The following SNX22 variants were observed in gnomAD, a reference collection of about 807,000 sequenced individuals.
SNX22 encodes sorting nexin-22.
Under a neutral mutation model 24.7 loss-of-function variants are expected in SNX22, and 23 were observed. The ratio of observed to expected loss-of-function variants is 0.93; its 90% CI spans 0.67 to 1.32. The LOEUF (loss-of-function observed/expected upper bound fraction) is 1.32. SNX22 is among the 40% of genes most tolerant of loss of function. The pLI is 0.00. For missense variants in SNX22, 261 were observed against 249.9 expected, an observed-to-expected ratio of 1.04 and a Z score of -0.30; for synonymous variants, 99 against 104.0, an observed-to-expected ratio of 0.95 and a Z score of 0.29.
intron 5 of SNX22, 67 bp downstream of exon 5, chr15:64,153,751 G>T: frequency 6.2e-7 from 1 of 1,608,474 alleles, no homozygotes; most frequent in Non-Finnish European, 8.5e-7. Flanking sequence ...TAGGAGGCAG[G>T]CCTGCTGCCT....
At position 64,152,333 on chromosome 15, in the gene SNX22, C is replaced by G; in HGVS notation, c.159+7C>G. On this transcript the variant is annotated splice_region_variant and intron_variant, in intron 2 of 6. Coordinates refer to ENST00000325881, the MANE Select transcript of SNX22 (RefSeq NM_024798.3). ...CCACGCGCTGCACAAGCGGGTGAGGCGGCGCCGACCTCCCACCGGCCCCGG... is the reference window on the plus strand; with the variant it reads ...CCACGCGCTGCACAAGCGGGTGAGGGGGCGCCGACCTCCCACCGGCCCCGG... 7 of 1,509,836 alleles carry G rather than the reference C, an allele frequency of 4.6e-6. No homozygotes were observed. The South Asian group carries it at 6.2e-5, about 13-fold the overall frequency. 93.5% of individuals were successfully genotyped at this position (1,509,836 alleles called of 1,614,324 possible).
Position 64,156,826 on chromosome 15 carries a change from C to T in SNX22, c.*2318C>T, listed in dbSNP as rs762799337. On this transcript the variant is annotated 3_prime_UTR_variant, in exon 7 of 7. Transcript: ENST00000325881. This position sits in a 1 kb window ranked among gnomAD's most constrained non-coding sequence, Gnocchi z 6.4. ...TGGGAGCCGTTGGTGTCTTTGCCTG[C>T]GTTGGCCATGCTCACCCAGCCAGGC... 1.9e-6 allele frequency: 3 copies of T among 1,614,076 alleles called. No individual in the cohort carries two copies. The highest frequency in any genetic ancestry group is 1.1e-5 in the South Asian group (1 of 91,088).
rs771187244 is a variant in SNX22 at position 64,153,976 on chromosome 15, A to G, written c.434A>G (p.Asp145Gly). 1 of 1,613,720 alleles carries G rather than the reference A, an allele frequency of 6.2e-7. No homozygotes were observed. The highest frequency in any genetic ancestry group is 8.5e-7 in the Non-Finnish European group (1 of 1,179,976). ...HQRPVLSFHV[D>G]PYVCNPSPES... is the part of the protein sequence containing the mutation. ...CGGCCTGTCCTGAGCTTCCATGTGG[A>G]TCCCTATGTTTGCAACCCCTCCCCA... The change falls in exon 6 of 7, where the codon GAT becomes GGT. Residue 145 changes from aspartate to glycine, a missense_variant. Asp to Gly is a moderately conservative substitution (Grantham distance 94). Transcript: ENST00000325881.
At chr15:64,153,377 C>A (rs1384312488) in intron 4 of SNX22, 38 bp downstream of exon 4, 3 of 1,612,092 alleles carry the variant, frequency 1.9e-6, no homozygotes, top group Non-Finnish European at 1.7e-6. Context: ...GGGCTGTCAG[C>A]AGTGAGCAGG....
At chr15:64,154,357 A>G (rs780390364) in intron 6 of SNX22, 30 bp from the exon 7 acceptor site, 3 of 1,613,034 alleles carry the variant, frequency 1.9e-6, no homozygotes, top group South Asian at 1.1e-5. Context: ...TGCAGGTCTG[A>G]GGCCAGACCT....
At chr15:64,154,327 TGA>T (rs373186020) in intron 6 of SNX22, 58 bp from the exon 7 acceptor site, 2 of 1,605,844 alleles carry the variant, frequency 1.2e-6, no homozygotes. Flanking sequence ...GCTGAGCCCA[TGA>T]GCAGGAGCTC....
intron 6 of SNX22, 54 bp from the exon 7 acceptor site, chr15:64,154,333 G>A: frequency 6.2e-7 from 1 of 1,606,924 alleles, no homozygotes. Flanking sequence ...CCCATGAGCA[G>A]GAGCTCAAGG....
rs532903614 is a variant in SNX22, at chr15:64,155,994, G to A, written c.*1486G>A. The A allele has an allele frequency of 3.7e-5, 59 of 1,613,978 alleles. No homozygotes were observed. In the Middle Eastern group the frequency reaches 1.3e-3, roughly 36 times the overall value. On this transcript the variant is annotated 3_prime_UTR_variant, in exon 7 of 7. Transcript: ENST00000325881. ...GGCGGACTACAGGGCCTGCACAGAC[G>A]GTCACTCAAAGAAAGATGTCCCTGT...
At chr15:64,152,528 T>C in intron 2 of SNX22, 110 bp from the exon 3 acceptor site, 2 of 1,270,230 alleles carry the variant, frequency 1.6e-6, no homozygotes, top group Non-Finnish European at 2.2e-6. Context: ...CACCAGGGTC[T>C]GTCCCAGTAG....
Position 64,151,870 on chromosome 15 carries a change from G to A in SNX22, c.75+20G>A. 6.6e-7 allele frequency: 1 copy of A among 1,524,440 alleles called. No homozygotes were observed. Among genetic ancestry groups the A allele is most frequent in the East Asian group, 2.6e-5 (1 of 38,750 alleles). 94.4% of individuals were successfully genotyped at this position (1,524,440 alleles called of 1,614,324 possible). A position where few individuals can be genotyped will look rare whatever the true frequency, so the allele number is the denominator to read the frequency against. On this transcript the variant is annotated intron_variant, in intron 1 of 6. Transcript: ENST00000325881. ...CACATGGTGAGCGCGGCCCCTGGAT[G>A]GGGAGGGGCGCCGGGACCCGCAGGA...
At chr15:64,152,456 G>A in intron 2 of SNX22, 130 bp downstream of exon 2, 1 of 1,256,188 alleles carries the variant, frequency 8.0e-7, no homozygotes, top group Non-Finnish European at 1.1e-6. Context: ...TGCGCAGCCG[G>A]TCAGCCCCCG....
At chr15:64,152,163 G>T in intron 1 of SNX22, 80 bp from the exon 2 acceptor site, 1 of 1,261,310 alleles carries the variant, frequency 7.9e-7, no homozygotes, top group Non-Finnish European at 1.0e-6. Flanking sequence ...CGGGAGGGTG[G>T]GCACGTCGCC....
intron 1 of SNX22, 66 bp from the exon 2 acceptor site, chr15:64,152,177 C>A: frequency 1.5e-6 from 2 of 1,317,970 alleles, no homozygotes; most frequent in Non-Finnish European, 2.0e-6. Flanking sequence ...CGTCGCCAGG[C>A]GCAGGTGCTG....
intron 4 of SNX22, 41 bp from the exon 5 acceptor site, chr15:64,153,611 C>G (rs373651972): frequency 1.7e-5 from 28 of 1,613,636 alleles, no homozygotes; most frequent in Non-Finnish European, 2.4e-5. Flanking sequence ...CACGCTCCCC[C>G]GGCATCCCCA....
Position 64,156,261 on chromosome 15 carries a change from A to C in SNX22, c.*1753A>C. The C allele has an allele frequency of 1.5e-6, 2 of 1,374,398 alleles. No individual in the cohort carries two copies. The highest frequency in any genetic ancestry group is 2.0e-6 in the Non-Finnish European group (2 of 986,618). The allele number at this position is 1,374,398 out of a possible 1,614,324, so 85.1% of individuals were successfully genotyped here. A position where few individuals can be genotyped will look rare whatever the true frequency, so the allele number is the denominator to read the frequency against. On this transcript the variant is annotated 3_prime_UTR_variant, in exon 7 of 7. Transcript: ENST00000325881. This position sits in a 1 kb window ranked among gnomAD's most constrained non-coding sequence, Gnocchi z 6.4. ...AAGACCCACAAGTGATCAACAGCAC[A>C]CAAAACTGGAGGCACCAAAATTCTA...
intron 3 of SNX22, 40 bp from the exon 4 acceptor site, chr15:64,153,202 TTAG>T (rs1453356722): frequency 5.0e-6 from 8 of 1,611,562 alleles, no homozygotes; most frequent in Non-Finnish European, 6.8e-6. Context: ...GCTATGCAAA[TTAG>T]TAGCTGGGTC....
Position 64,155,871 on chromosome 15 carries a change from T to C in SNX22, c.*1363T>C. The stretch of plus-strand genomic sequence containing the variant: ...TTTATTGGTCAGTGTTGGTAGGAGT[T>C]TGTTACAAAAGTGAGTCCATGGGCC... On this transcript the variant is annotated 3_prime_UTR_variant, in exon 7 of 7. Transcript: ENST00000325881. The C allele has an allele frequency of 8.5e-7, 1 of 1,172,156 alleles. No individual in the cohort carries two copies. Among genetic ancestry groups the C allele is most frequent in the Non-Finnish European group, 1.3e-6 (1 of 798,050 alleles). 72.6% of individuals were successfully genotyped at this position (1,172,156 alleles called of 1,614,324 possible).
At position 64,155,877 on chromosome 15, in the gene SNX22, C is replaced by A; in HGVS notation, c.*1369C>A. ...GGTCAGTGTTGGTAGGAGTTTGTTA[C>A]AAAAGTGAGTCCATGGGCCTGTGGA... On this transcript the variant is annotated 3_prime_UTR_variant, in exon 7 of 7. Transcript: ENST00000325881. 2 of 1,240,794 alleles carry A rather than the reference C, an allele frequency of 1.6e-6. No homozygotes were observed. The highest frequency in any genetic ancestry group is 1.2e-6 in the Non-Finnish European group (1 of 860,364). The allele number at this position is 1,240,794 out of a possible 1,614,324, so 76.9% of individuals were successfully genotyped here.
Position 64,153,121 on chromosome 15 carries a change from C to T in SNX22, c.265-124C>T, listed in dbSNP as rs902567610. ...GCCCAGAAGGGCCCTGAGCCTGGTT[C>T]AACGCTCTGCTGTCATTGTCGTGAA... On this transcript the variant is annotated intron_variant, in intron 3 of 6. Transcript: ENST00000325881. 2.4e-6 allele frequency: 3 copies of T among 1,229,698 alleles called. No individual in the cohort carries two copies. The Admixed American group carries it at 6.4e-5, about 26-fold the overall frequency. The allele number at this position is 1,229,698 out of a possible 1,614,324, so 76.2% of individuals were successfully genotyped here. A position where few individuals can be genotyped will look rare whatever the true frequency, so the allele number is the denominator to read the frequency against.
Sources: gnomAD v4.1 joint callset for allele counts on GRCh38, gnomAD v4.1.1 for gene constraint, Gnocchi (gnomAD v3.1) non-coding constraint, MANE v1.5 for transcripts, NCBI Gene and HGNC (gene_info 2026-07-23, HGNC 2026-07-21) for gene names.